Variants in PARP8 observed in about 807,000 individuals in gnomAD.
The protein encoded by PARP8 is protein mono-ADP-ribosyltransferase PARP8.
PARP8 carries 51 observed loss-of-function variants against 124.1 expected under a neutral mutation model. The observed-to-expected ratio is 0.41, with a 90% CI of 0.33 to 0.52. PARP8 has a LOEUF of 0.52. PARP8 is among the 20% of genes least tolerant of loss of function. The pLI is 0.21. For missense variants in PARP8, 860 were observed against 1,018.9 expected (o/e 0.84, Z 2.12); for synonymous variants, 391 against 361.5 (o/e 1.08, Z -0.93).
intron 24 of PARP8, among the ~76,000 whole-genome samples, chr5:50,834,684 G>C (rs949738859): frequency 6.6e-6 from 1 of 151,974 alleles, no homozygotes; most frequent in Non-Finnish European, 1.5e-5. Context: ...ATCTGCTTTT[G>C]GTAATACTTA....
chr5:50,678,840 A>G (rs1750942443), intron 2 of PARP8, among the ~76,000 whole-genome samples: 2 of 152,170 alleles, frequency 1.3e-5, no homozygotes, highest in Admixed American at 6.5e-5. Context: ...AGTGTTCAGC[A>G]CAGGGCCTGA....
At chr5:50,841,834 C>A (rs574745372) in intron 25 of PARP8, 132 bp from the exon 26 acceptor site, 5 of 577,608 alleles carry the variant, frequency 8.7e-6, no homozygotes, top group Non-Finnish European at 1.5e-5. Context: ...GTTAAATACA[C>A]CTGAAAAACA....
At chr5:50,676,585 T>C (rs1395359150) in intron 2 of PARP8, among the ~76,000 whole-genome samples, 2 of 152,250 alleles carry the variant, frequency 1.3e-5, no homozygotes, top group Admixed American at 6.5e-5. Flanking sequence ...GTACTCATTA[T>C]GTCCTCTTAA....
chr5:50,789,043 A>G (rs1362674676), intron 10 of PARP8, among the ~76,000 whole-genome samples: 1 of 152,130 alleles, frequency 6.6e-6, no homozygotes, highest in Non-Finnish European at 1.5e-5. Context: ...ACTGGGCTCT[A>G]TTGAGGGCTT....
At chr5:50,700,422 A>G (rs2149474308) in intron 2 of PARP8, among the ~76,000 whole-genome samples, 1 of 152,334 alleles carries the variant, frequency 6.6e-6, no homozygotes, top group Admixed American at 6.5e-5. Context: ...TCTTTCCTTG[A>G]GTAGCCTGTG....
chr5:50,828,650 C>T lies in PARP8; in HGVS notation c.2163+266C>T, dbSNP rs1156635498. Among the ~76,000 whole-genome samples the T allele has an allele frequency of 2.6e-5, 4 of 151,904 alleles. No individual in the cohort carries two copies. The East Asian group carries it at 5.8e-4, about 22-fold the overall frequency. ...ACCCCAGCACTTTGGGAAGCTGAGG[C>T]GGGCAGATCGCTTGAGGCCAGGAGT... On this transcript the variant is annotated intron_variant, in intron 21 of 25. Transcript: ENST00000281631.
chr5:50,823,647 A>G (rs1746019487), intron 17 of PARP8, among the ~76,000 whole-genome samples: 2 of 152,224 alleles, frequency 1.3e-5, no homozygotes, highest in African/African-American at 4.8e-5. Context: ...CATGAAAAAG[A>G]CTTTGGTATA....
intron 14 of PARP8, among the ~76,000 whole-genome samples, chr5:50,799,323 A>G (rs753460223): frequency 4.6e-5 from 7 of 152,030 alleles, no homozygotes; most frequent in South Asian, 2.1e-4. Context: ...TGAAAAGACT[A>G]TTTTTTCTCT....
intron 2 of PARP8, among the ~76,000 whole-genome samples, chr5:50,703,707 C>T (rs146374920): frequency 6.6e-6 from 1 of 152,080 alleles, no homozygotes; most frequent in African/African-American, 2.4e-5. Context: ...TCTATACATT[C>T]GTTTTCCAAC....
At chr5:50,697,108 A>G (rs765774918) in intron 2 of PARP8, among the ~76,000 whole-genome samples, 25 of 152,198 alleles carry the variant, frequency 1.6e-4, no homozygotes, top group Admixed American at 3.3e-4. Context: ...CTCTATTCAG[A>G]TACAAAAATT....
At chr5:50,756,536 GCAAACCTCT>G (rs1425303695) in intron 3 of PARP8, among the ~76,000 whole-genome samples, 1 of 152,088 alleles carries the variant, frequency 6.6e-6, no homozygotes, top group Non-Finnish European at 1.5e-5. Context: ...AAGATCATGA[GCAAACCTCT>G]CATTTTATAG....
At chr5:50,685,643 C>T (rs995907066) in intron 2 of PARP8, among the ~76,000 whole-genome samples, 7 of 152,168 alleles carry the variant, frequency 4.6e-5, no homozygotes, top group Admixed American at 2.0e-4. Flanking sequence ...GTAGCCCAAG[C>T]TGGAGTACTG....
intron 2 of PARP8, among the ~76,000 whole-genome samples, chr5:50,691,185 A>G (rs1752460658): frequency 2.6e-5 from 4 of 152,184 alleles, no homozygotes; most frequent in Non-Finnish European, 4.4e-5. Context: ...TTCGATAAAC[A>G]TACAAGTAAA....
At chr5:50,751,560 G>T (rs1256321610) in intron 3 of PARP8, among the ~76,000 whole-genome samples, 2 of 152,084 alleles carry the variant, frequency 1.3e-5, no homozygotes, top group Admixed American at 6.6e-5. Context: ...GATGTAACCA[G>T]TATATCAAAA....
intron 2 of PARP8, among the ~76,000 whole-genome samples, chr5:50,749,605 GTTTA>G (rs1759002197): frequency 1.3e-5 from 2 of 151,826 alleles, no homozygotes; most frequent in African/African-American, 2.4e-5. Context: ...ATAGAATAAA[GTTTA>G]TTTATATATA....
At chr5:50,750,723 A>T (rs1303705991) in intron 3 of PARP8, among the ~76,000 whole-genome samples, 1 of 152,110 alleles carries the variant, frequency 6.6e-6, no homozygotes, top group Non-Finnish European at 1.5e-5. Flanking sequence ...ACATTTGAAA[A>T]TACTTTCTTA....
intron 10 of PARP8, among the ~76,000 whole-genome samples, chr5:50,792,348 A>G (rs953884912): frequency 6.6e-6 from 1 of 152,150 alleles, no homozygotes; most frequent in Non-Finnish European, 1.5e-5. Context: ...TTAGAAAACA[A>G]TTTCTTTTGC....
chr5:50,688,144 G>A (rs535656359), intron 2 of PARP8, among the ~76,000 whole-genome samples: 10 of 152,288 alleles, frequency 6.6e-5, no homozygotes, highest in Admixed American at 2.0e-4. Context: ...CACTGTACCT[G>A]GCTAGCAGGA....
chr5:50,788,384 T>C (rs1741546932), intron 9 of PARP8, 139 bp from the exon 10 acceptor site: 1 of 592,548 alleles, frequency 1.7e-6, no homozygotes, highest in Admixed American at 3.1e-5. Context: ...TAAATAGCAT[T>C]GTTTAGGACT....
Sources: allele counts gnomAD v4.1 joint callset (sites outside exome capture counted in the v4.1 genomes callset), GRCh38; gene constraint gnomAD v4.1.1; transcripts MANE v1.5; gene names NCBI Gene and HGNC (gene_info 2026-07-23, HGNC 2026-07-21).